The following OPHN1 variants were observed in gnomAD, a reference collection of about 807,000 sequenced individuals.
The protein encoded by OPHN1 is oligophrenin 1.
In OPHN1, 11 loss-of-function variants were observed where a neutral mutation model predicts 60.7. That is an observed-to-expected ratio of 0.18 (90% confidence interval 0.11 to 0.30). The LOEUF (loss-of-function observed/expected upper bound fraction) is 0.30. OPHN1 is among the 10% of genes least tolerant of loss of function. The pLI, the probability that OPHN1 is intolerant of heterozygous loss-of-function variation, is 1.00. For synonymous variants in OPHN1, 226 were observed against 222.6 expected (o/e 1.02, Z -0.14); for missense variants, 449 against 611.0 (o/e 0.73, Z 2.80).
At chrX:68,154,007 G>A (rs1000844423) in intron 15 of OPHN1, among the ~76,000 whole-genome samples, 3 of 111,834 alleles carry the variant, frequency 2.7e-5, no homozygotes, top group Non-Finnish European at 5.6e-5. Flanking sequence ...CCAAATGTTC[G>A]TTATAAGAGA....
At chrX:68,105,801 TATA>T (rs777936280) in intron 18 of OPHN1, among the ~76,000 whole-genome samples, 3 of 108,742 alleles carry the variant, frequency 2.8e-5, no homozygotes, top group African/African-American at 3.4e-5. Flanking sequence ...GAACTTAAAG[TATA>T]ATAATAATAA....
At chrX:68,190,725 A>G (rs2077484432) in intron 15 of OPHN1, among the ~76,000 whole-genome samples, 1 of 112,372 alleles carries the variant, frequency 8.9e-6, no homozygotes, top group African/African-American at 3.2e-5. Context: ...TACTGGAAAC[A>G]GAATTTTCAA....
At chrX:68,195,003 A>G (rs867833492) in intron 12 of OPHN1, among the ~76,000 whole-genome samples, 43 of 58,724 alleles carry the variant, frequency 7.3e-4, no homozygotes, top group African/African-American at 8.0e-4. Context: ...AGAGAGAAAG[A>G]AAGGAAGGAA....
intron 2 of OPHN1, among the ~76,000 whole-genome samples, chrX:68,398,859 G>C (rs907129950): frequency 1.8e-5 from 2 of 110,861 alleles, no homozygotes; most frequent in Admixed American, 9.7e-5. Context: ...TGAGGCACGG[G>C]AATCACTTGA....
chrX:68,263,582 T>C (rs2077905688), intron 5 of OPHN1, among the ~76,000 whole-genome samples: 1 of 111,812 alleles, frequency 8.9e-6, no homozygotes, highest in Non-Finnish European at 1.9e-5. Context: ...CCAGGTACTG[T>C]ACTAAGAACT....
intron 4 of OPHN1, among the ~76,000 whole-genome samples, chrX:68,281,933 G>A (rs1311508975): frequency 3.6e-5 from 4 of 112,457 alleles, no homozygotes; most frequent in Non-Finnish European, 7.5e-5. Flanking sequence ...GTAAGAACAT[G>A]GAGCTGGCGA....
At chrX:68,108,190 T>C (rs1261010350) in intron 18 of OPHN1, among the ~76,000 whole-genome samples, 2 of 112,476 alleles carry the variant, frequency 1.8e-5, no homozygotes, top group Non-Finnish European at 3.8e-5. Context: ...CCTTTGGACA[T>C]GACACTATTA....
chrX:68,324,446 TAA>T (rs58334942), intron 2 of OPHN1, among the ~76,000 whole-genome samples: 2 of 91,280 alleles, frequency 2.2e-5, no homozygotes, highest in Admixed American at 1.2e-4. Context: ...CTACAAAAAT[TAA>T]AAAAAAAAAA....
At chrX:68,409,099 A>T (rs1412974088) in intron 2 of OPHN1, among the ~76,000 whole-genome samples, 1 of 112,686 alleles carries the variant, frequency 8.9e-6, no homozygotes, top group Non-Finnish European at 1.9e-5. Context: ...TACAGCACTT[A>T]ATTAGAAAGA....
chrX:68,076,552 T>C (rs1467617910), intron 19 of OPHN1, among the ~76,000 whole-genome samples: 3 of 111,946 alleles, frequency 2.7e-5, no homozygotes, highest in African/African-American at 9.7e-5. Context: ...AGAATTAACA[T>C]GAGTTTTACA....
At chrX:68,138,604 G>A (rs769910656) in intron 15 of OPHN1, among the ~76,000 whole-genome samples, 19 of 111,836 alleles carry the variant, frequency 1.7e-4, no homozygotes, top group Non-Finnish European at 2.6e-4. Flanking sequence ...TGGCTATACC[G>A]TACAAGACAA....
At chrX:68,167,744 A>G (rs901304663) in intron 15 of OPHN1, among the ~76,000 whole-genome samples, 1 of 109,293 alleles carries the variant, frequency 9.1e-6, no homozygotes, top group African/African-American at 3.3e-5. Flanking sequence ...TATACACCCA[A>G]AAGAAAGGAA....
chrX:68,411,849 C>G (rs1480231667), intron 2 of OPHN1, among the ~76,000 whole-genome samples: 1 of 111,367 alleles, frequency 9.0e-6, no homozygotes, highest in Admixed American at 9.7e-5. Context: ...TATGCCTGTT[C>G]CTATGTCCAT....
intron 18 of OPHN1, among the ~76,000 whole-genome samples, chrX:68,108,554 C>T (rs1429931130): frequency 9.0e-6 from 1 of 111,171 alleles, no homozygotes; most frequent in Non-Finnish European, 1.9e-5. Flanking sequence ...ATAACATTAA[C>T]ATATTTACTT....
At chrX:68,073,831 G>C (rs1333439925) in intron 19 of OPHN1, among the ~76,000 whole-genome samples, 1 of 112,325 alleles carries the variant, frequency 8.9e-6, no homozygotes, top group Non-Finnish European at 1.9e-5. Flanking sequence ...ACTAATGATT[G>C]GCTGGGGAAT....
intron 2 of OPHN1, among the ~76,000 whole-genome samples, chrX:68,327,319 G>A (rs1199416539): frequency 1.3e-4 from 1 of 7,449 alleles, no homozygotes; most frequent in Non-Finnish European, 2.0e-4. Flanking sequence ...TGACAATGGC[G>A]GTTTTGTGGA....
intron 15 of OPHN1, among the ~76,000 whole-genome samples, chrX:68,192,073 A>T (rs893791129): frequency 1.8e-5 from 2 of 111,950 alleles, no homozygotes; most frequent in African/African-American, 3.2e-5. Context: ...AAAAAAAATC[A>T]ATCAATAGAA....
intron 3 of OPHN1, among the ~76,000 whole-genome samples, chrX:68,291,323 A>G (rs1248642648): frequency 8.9e-6 from 1 of 112,206 alleles, no homozygotes; most frequent in Non-Finnish European, 1.9e-5. Context: ...TGAGAAAATG[A>G]CATTCACTTT....
Position 68,045,573 on chromosome X carries a change from ACG to A in OPHN1, c.*1597_*1598del, listed in dbSNP as rs1028747030. The A allele has an allele frequency of 9.0e-6, 1 of 111,625 alleles. No homozygotes were observed. The highest frequency in any genetic ancestry group is 1.9e-5 in the Non-Finnish European group (1 of 53,175). 9.2% of individuals were successfully genotyped at this position (111,625 alleles called of 1,213,427 possible). A position where few individuals can be genotyped will look rare whatever the true frequency, so the allele number is the denominator to read the frequency against. ...ACTGGGCAACATTATAATTATACAG[ACG>A]CTACAGACAAGCTACGGCCCAGGCA... On this transcript the variant is annotated 3_prime_UTR_variant, in exon 25 of 25. Transcript: ENST00000355520.
Sources: allele counts gnomAD v4.1 joint callset (sites outside exome capture counted in the v4.1 genomes callset), GRCh38; gene constraint gnomAD v4.1.1; transcripts MANE v1.5; gene names NCBI Gene and HGNC (gene_info 2026-07-23, HGNC 2026-07-21).